Variants in GABRA3 observed in about 807,000 individuals in gnomAD.
GABRA3 encodes the protein gamma-aminobutyric acid receptor subunit alpha-3.
In GABRA3, 10 loss-of-function variants were observed where a neutral mutation model predicts 30.1. The ratio of observed to expected loss-of-function variants is 0.33; its 90% confidence interval spans 0.20 to 0.56. The LOEUF (loss-of-function observed/expected upper bound fraction) is 0.56, where lower values mean the gene tolerates loss of function less well. Among genes scored for constraint, GABRA3 ranks in the 20% least tolerant of loss-of-function variants. GABRA3 has a pLI of 0.89. For missense variants in GABRA3, 233 were observed against 392.0 expected, an observed-to-expected ratio of 0.59 and a Z score of 3.42; for synonymous variants, 151 against 146.8, an observed-to-expected ratio of 1.03 and a Z score of -0.21.
At chrX:152,317,771 T>C (rs1603240433) in intron 3 of GABRA3, among the ~76,000 whole-genome samples, 1 of 111,597 alleles carries the variant, frequency 9.0e-6, no homozygotes, top group East Asian at 2.8e-4. Context: ...TTGAACTGAA[T>C]GATAATAGTG....
At chrX:152,287,953 C>T (rs1169328315) in intron 3 of GABRA3, among the ~76,000 whole-genome samples, 1 of 110,682 alleles carries the variant, frequency 9.0e-6, no homozygotes, top group Non-Finnish European at 1.9e-5. Flanking sequence ...ACATTATTTT[C>T]CTGCTGTTCC....
intron 2 of GABRA3, among the ~76,000 whole-genome samples, chrX:152,352,499 C>A (rs59369612): frequency 0.12 from 13,372 of 110,694 alleles, 665 homozygotes; most frequent in African/African-American, 0.17. Flanking sequence ...CTGTCAAACT[C>A]ATGCTGTCAC....
chrX:152,284,211 G>T (rs1410958233), intron 4 of GABRA3, among the ~76,000 whole-genome samples: 1 of 111,403 alleles, frequency 9.0e-6, no homozygotes, highest in African/African-American at 3.3e-5. Flanking sequence ...CAAACTGTTT[G>T]TATCATTCTG....
chrX:152,329,670 T>G (rs1402450675), intron 3 of GABRA3, among the ~76,000 whole-genome samples: 2 of 111,881 alleles, frequency 1.8e-5, no homozygotes, highest in African/African-American at 6.5e-5. Context: ...CTGGATCCCT[T>G]TCTTACACCT....
At chrX:152,261,568 A>G (rs1210811546) in intron 4 of GABRA3, among the ~76,000 whole-genome samples, 2 of 112,457 alleles carry the variant, frequency 1.8e-5, no homozygotes, top group Non-Finnish European at 3.8e-5. Context: ...GCAGTCATTA[A>G]ACCTTAAAGT....
At chrX:152,197,611 C>T (rs201250637) in intron 8 of GABRA3, 22 bp downstream of exon 8, 69 of 1,178,080 alleles carry the variant, frequency 5.9e-5, no homozygotes, top group Non-Finnish European at 7.3e-5. Flanking sequence ...CTTTCCCCTA[C>T]GCTCCATAAA....
intron 5 of GABRA3, among the ~76,000 whole-genome samples, chrX:152,228,764 C>T (rs1347098801): frequency 2.7e-5 from 3 of 111,009 alleles, no homozygotes; most frequent in Non-Finnish European, 3.8e-5. Context: ...CAAGACACAT[C>T]GGAAATTTTG....
intron 5 of GABRA3, among the ~76,000 whole-genome samples, chrX:152,236,881 G>T (rs1181655396): frequency 1.9e-5 from 2 of 103,747 alleles, no homozygotes; most frequent in Non-Finnish European, 3.9e-5. Flanking sequence ...GTTCATTGTA[G>T]ATTCTGGATA....
intron 9 of GABRA3, chrX:152,187,063 AC>A (rs1207314867): frequency 8.9e-6 from 1 of 112,102 alleles, no homozygotes; most frequent in African/African-American, 3.2e-5. Flanking sequence ...ATTGCTGCTA[AC>A]TGCTCCTAAA....
At chrX:152,346,180 C>T (rs1297475162) in intron 2 of GABRA3, among the ~76,000 whole-genome samples, 2 of 111,625 alleles carry the variant, frequency 1.8e-5, no homozygotes, top group African/African-American at 3.3e-5. Context: ...TACTTCTACC[C>T]TCATCCTATG....
intron 1 of GABRA3, among the ~76,000 whole-genome samples, chrX:152,422,254 TG>T (rs746480333): frequency 2.7e-5 from 3 of 111,578 alleles, no homozygotes; most frequent in African/African-American, 9.7e-5. Context: ...ACAACGTGGA[TG>T]AATCTCAAAA....
intron 3 of GABRA3, among the ~76,000 whole-genome samples, chrX:152,301,331 C>T (rs1455555154): frequency 9.0e-6 from 1 of 111,730 alleles, no homozygotes; most frequent in Non-Finnish European, 1.9e-5. Context: ...GATAATTTGT[C>T]TCCAGCAAAA....
chrX:152,273,540 G>C (rs1938986531), intron 4 of GABRA3, among the ~76,000 whole-genome samples: 1 of 112,230 alleles, frequency 8.9e-6, no homozygotes, highest in Non-Finnish European at 1.9e-5. Flanking sequence ...ATTGACCTAA[G>C]TGCCCACCAA....
intron 4 of GABRA3, among the ~76,000 whole-genome samples, chrX:152,278,943 T>C (rs1258674648): frequency 4.5e-5 from 5 of 112,005 alleles, no homozygotes. Flanking sequence ...CTTCGCCCAC[T>C]TGTTGATGGG....
In GABRA3 at chrX:152,328,752, G is replaced by C. The variant is rs749250120; in HGVS notation, c.262+16829C>G. 5.5e-3 allele frequency among the ~76,000 whole-genome samples: 616 copies of C among 111,494 alleles called. 6 individuals carry two copies. Among genetic ancestry groups the C allele is most frequent in the African/African-American group, 0.02 (601 of 30,612 alleles). ...ACCCACAGCCAATATCATACTGAAT[G>C]GGCAAAAACTGGAAGCATTCCCTTT... On this transcript the variant is annotated intron_variant, in intron 3 of 9. Transcript: ENST00000370314.
chrX:152,256,068 A>G (rs776206975), intron 4 of GABRA3, 70 bp from the exon 5 acceptor site: 21 of 757,982 alleles, frequency 2.8e-5, no homozygotes, highest in Non-Finnish European at 3.8e-5. Flanking sequence ...CCCTTAGCAA[A>G]TATTAATTAC....
intron 4 of GABRA3, among the ~76,000 whole-genome samples, chrX:152,265,169 T>C (rs1385019778): frequency 9.0e-6 from 1 of 111,506 alleles, no homozygotes; most frequent in Non-Finnish European, 1.9e-5. Flanking sequence ...TTACAGATCT[T>C]TTCCTCCAAT....
rs912628682 is a variant in GABRA3, at chrX:152,444,745, T to G, written c.-27+6401A>C. On this transcript the variant is annotated intron_variant, in intron 1 of 9. Transcript: ENST00000370314. The stretch of plus-strand genomic sequence containing the variant: ...TATAATACTTGTGTGTTTTTTTTTT[T>G]TTGTTTTTTTTTGTTTGTTTGTTTG... Among the ~76,000 whole-genome samples, 115 of 52,358 alleles carry G rather than the reference T, an allele frequency of 2.2e-3. 3 individuals are homozygous for G. The highest frequency in any genetic ancestry group is 6.3e-3 in the African/African-American group (99 of 15,783). The allele number at this position is 52,358 out of a possible 115,157, so 45.5% of individuals were successfully genotyped here. A position where few individuals can be genotyped will look rare whatever the true frequency, so the allele number is the denominator to read the frequency against.
intron 7 of GABRA3, 118 bp downstream of exon 7, chrX:152,207,883 A>T: frequency 1.4e-6 from 1 of 706,248 alleles, no homozygotes; most frequent in Non-Finnish European, 2.1e-6. Context: ...TTCTCATGAT[A>T]ATACTATCTT....
Sources: gnomAD v4.1 joint callset for allele counts (sites outside exome capture counted in the v4.1 genomes callset) on GRCh38, gnomAD v4.1.1 for gene constraint, MANE v1.5 for transcripts, NCBI Gene and HGNC (gene_info 2026-07-23, HGNC 2026-07-21) for gene names.